LEO1: variants seen among roughly 807,000 people sequenced by gnomAD.
LEO1 encodes RNA polymerase-associated protein LEO1.
LEO1 carries 34 observed loss-of-function variants against 80.4 expected under a neutral mutation model. That is an observed-to-expected ratio of 0.42 (90% CI 0.32 to 0.56). The LOEUF is 0.56. Ranked by LOEUF, LEO1 falls within the 20% of genes least tolerant of loss-of-function variation. LEO1 has a pLI of 0.10. For missense variants in LEO1, 631 were observed against 814.2 expected, an observed-to-expected ratio of 0.77 and a Z score of 2.74; for synonymous variants, 262 against 274.9, an observed-to-expected ratio of 0.95 and a Z score of 0.46.
chr15:51,938,257 CT>C lies in LEO1; in HGVS notation c.1899del (p.Gly634ValfsTer23). On this transcript the variant is annotated frameshift_variant and splice_region_variant, in exon 12 of 12. Transcript: ENST00000299601. LOFTEE classifies it high-confidence loss of function. ...LKAKKLTSDE[E>X]GEPSGKRKAE... is the part of the protein sequence containing the mutation. ...GCTTTTCTCTTTCCGGAAGGTTCAC[CT>C]TCCTAAACAGATACAATTTTTACAA... The C allele has an allele frequency of 6.4e-7, 1 of 1,567,268 alleles. No homozygotes were observed. Among genetic ancestry groups the C allele is most frequent in the Non-Finnish European group, 8.7e-7 (1 of 1,147,500 alleles).
intron 1 of LEO1, among the ~76,000 whole-genome samples, chr15:51,967,678 A>G (rs1247725753): frequency 2.6e-5 from 4 of 152,214 alleles, no homozygotes; most frequent in East Asian, 1.9e-4. Flanking sequence ...GGAACGCTCA[A>G]TAAGAGTAAC....
At chr15:51,944,015 A>G (rs1215060558) in intron 11 of LEO1, among the ~76,000 whole-genome samples, 1 of 152,224 alleles carries the variant, frequency 6.6e-6, no homozygotes, top group African/African-American at 2.4e-5. Flanking sequence ...GAATGGCAGG[A>G]GAGGACAGAA....
intron 1 of LEO1, among the ~76,000 whole-genome samples, chr15:51,967,789 CA>C (rs1217774669): frequency 6.6e-6 from 1 of 152,172 alleles, no homozygotes; most frequent in Non-Finnish European, 1.5e-5. Flanking sequence ...ATTTTATATT[CA>C]GTAAAATTAT....
At chr15:51,955,734 G>A (rs1039323923) in intron 6 of LEO1, among the ~76,000 whole-genome samples, 60 of 152,284 alleles carry the variant, frequency 3.9e-4, no homozygotes, top group African/African-American at 1.4e-3. Context: ...CCAGTCCCAC[G>A]GAGATCGTCT....
chr15:51,968,722 G>A (rs953317541), intron 1 of LEO1, among the ~76,000 whole-genome samples: 2 of 152,026 alleles, frequency 1.3e-5, no homozygotes, highest in African/African-American at 4.8e-5. Flanking sequence ...CCAGCTACTT[G>A]GGAGGCTGAA....
At chr15:51,943,795 A>G (rs1054576320) in intron 11 of LEO1, among the ~76,000 whole-genome samples, 6 of 142,914 alleles carry the variant, frequency 4.2e-5, no homozygotes, top group Admixed American at 7.1e-5. Context: ...AAAAAAAAAA[A>G]GGTACCAAAT....
chr15:51,957,658 G>T (rs1303437484), intron 6 of LEO1, among the ~76,000 whole-genome samples: 1 of 152,174 alleles, frequency 6.6e-6, no homozygotes, highest in Non-Finnish European at 1.5e-5. Flanking sequence ...ACATTGAAGA[G>T]ATGGTACTAT....
intron 7 of LEO1, 27 bp from the exon 8 acceptor site, chr15:51,953,290 A>G (rs878883015): frequency 1.2e-6 from 2 of 1,610,520 alleles, no homozygotes; most frequent in South Asian, 2.2e-5. Context: ...TTCATCTATT[A>G]AAGTCATAAA....
rs772950626 is a variant in LEO1, at chr15:51,965,871, T to G, written c.692A>C (p.Asp231Ala). Residue 231 changes from aspartate (D) to alanine (A), a missense_variant, in exon 2 of 12, where the codon GAT (aspartate) becomes GCT (alanine). Transcript: ENST00000299601. ...DNDDEKQNSDDEEQPQLSDEE... is the reference protein window; with the variant it reads ...DNDDEKQNSDAEEQPQLSDEE... ...ATCAGACAGCTGTGGTTGTTCTTCA[T>G]CATCAGAATTCTGTTTCTCATCATC... 6.2e-7 allele frequency: 1 copy of G among 1,614,156 alleles called. No individual in the cohort carries two copies. Among genetic ancestry groups the G allele is most frequent in the South Asian group, 1.1e-5 (1 of 91,074 alleles).
chr15:51,939,643 A>G (rs2056831406), intron 11 of LEO1, among the ~76,000 whole-genome samples: 1 of 152,250 alleles, frequency 6.6e-6, no homozygotes. Context: ...CAAAGAGCAC[A>G]TTCAATCACA....
intron 6 of LEO1, among the ~76,000 whole-genome samples, chr15:51,958,169 CT>C (rs2057003687): frequency 6.6e-6 from 1 of 152,110 alleles, no homozygotes; most frequent in East Asian, 1.9e-4. Context: ...AAAATGTCTA[CT>C]TGGCCAAGTG....
chr15:51,953,870 C>T (rs570398551), intron 7 of LEO1, among the ~76,000 whole-genome samples: 9 of 151,426 alleles, frequency 5.9e-5, no homozygotes, highest in African/African-American at 1.9e-4. Flanking sequence ...ATGGGAGGAT[C>T]GCTTGAGCCC....
intron 11 of LEO1, among the ~76,000 whole-genome samples, chr15:51,945,201 G>A (rs918538571): frequency 2.8e-5 from 4 of 141,534 alleles, no homozygotes; most frequent in African/African-American, 1.1e-4. Context: ...CACACTGCTT[G>A]AGCCCATGAA....
intron 6 of LEO1, among the ~76,000 whole-genome samples, chr15:51,957,206 T>G (rs1256110510): frequency 6.6e-6 from 1 of 152,044 alleles, no homozygotes; most frequent in Admixed American, 6.6e-5. Context: ...TGTAGCATCA[T>G]GACAGAAAGT....
intron 6 of LEO1, among the ~76,000 whole-genome samples, chr15:51,956,740 C>A (rs1049404684): frequency 1.3e-5 from 2 of 152,174 alleles, no homozygotes; most frequent in African/African-American, 4.8e-5. Context: ...CTATCACACA[C>A]CAAGGTTTTA....
intron 4 of LEO1, 74 bp downstream of exon 4, chr15:51,960,565 G>C: frequency 1.2e-6 from 1 of 812,062 alleles, no homozygotes; most frequent in Non-Finnish European, 2.1e-6. Flanking sequence ...TTCCTTTCCT[G>C]GAATAAGGGA....
rs1303707086 is a variant in LEO1, at chr15:51,956,119, C to A, written c.1246-1544G>T. On this transcript the variant is annotated intron_variant, in intron 6 of 11. Coordinates refer to ENST00000299601, the MANE Select transcript of LEO1 (RefSeq NM_138792.4). ...TCCATCTCATACAATAGGTTGGCCACATATAAATACACAAATATGCCGGGT... is the reference window on the plus strand; with the variant it reads ...TCCATCTCATACAATAGGTTGGCCAAATATAAATACACAAATATGCCGGGT... 4.6e-5 allele frequency among the ~76,000 whole-genome samples: 7 copies of A among 152,112 alleles called. 1 individual carries two copies. The highest frequency in any genetic ancestry group is 4.6e-4 in the Admixed American group (7 of 15,262).
At chr15:51,954,249 G>A (rs1412860521) in intron 7 of LEO1, among the ~76,000 whole-genome samples, 1 of 151,044 alleles carries the variant, frequency 6.6e-6, no homozygotes, top group East Asian at 2.0e-4. Flanking sequence ...AATCCATGCA[G>A]GGTGGTGCAC....
rs910291799 is a variant in LEO1, at chr15:51,947,158, C to T, written c.1896+134G>A. ...TCTGGATCACTCTGTCTTGTTACTG[C>T]ATTTATCTCACTGGATTTCAGTGAC... On this transcript the variant is annotated intron_variant, in intron 11 of 11. Coordinates refer to ENST00000299601, the MANE Select transcript of LEO1 (RefSeq NM_138792.4). 1.4e-5 allele frequency: 10 copies of T among 717,670 alleles called. No homozygotes were observed. The African/African-American group carries it at 1.8e-4, about 13-fold the overall frequency. 44.5% of individuals were successfully genotyped at this position (717,670 alleles called of 1,614,324 possible).
Sources: gnomAD v4.1 joint callset for allele counts (sites outside exome capture counted in the v4.1 genomes callset) on GRCh38, gnomAD v4.1.1 for gene constraint, MANE v1.5 for transcripts, NCBI Gene and HGNC (gene_info 2026-07-23, HGNC 2026-07-21) for gene names.